The following OGN variants were observed in gnomAD, a reference collection of about 807,000 sequenced individuals.
OGN encodes the protein osteoglycin, also known as mimecan.
OGN carries 19 observed loss-of-function variants against 30.8 expected under a neutral mutation model. The observed-to-expected ratio is 0.62, with a 90% confidence interval of 0.43 to 0.90. The LOEUF (loss-of-function observed/expected upper bound fraction) is 0.90. Among genes scored for constraint, OGN ranks in the 40% least tolerant of loss-of-function variants. The pLI is 0.00. For missense variants in OGN, 283 were observed against 349.7 expected (o/e 0.81, Z 1.52); for synonymous variants, 126 against 128.3 (o/e 0.98, Z 0.12).
At chr9:92,388,338 T>G (rs1467483533) in intron 5 of OGN, among the ~76,000 whole-genome samples, 1 of 151,344 alleles carries the variant, frequency 6.6e-6, no homozygotes, top group East Asian at 2.0e-4. Flanking sequence ...ATTTTTGTAT[T>G]TTTAGTGGAG....
Position 92,403,483 on chromosome 9 carries a change from C to T in OGN, c.-75-1G>A. ...CTGTGGGACAAAACTCTCTTTTTCC[C>T]TGGAAATAAAAATTCAGACCATCGA... On this transcript the variant is annotated splice_acceptor_variant, in intron 1 of 6. Transcript: ENST00000375561. LOFTEE classifies it low-confidence loss of function (5UTR_SPLICE). 6.6e-7 allele frequency: 1 copy of T among 1,506,902 alleles called. No homozygotes were observed. Among genetic ancestry groups the T allele is most frequent in the Non-Finnish European group, 8.8e-7 (1 of 1,131,204 alleles). 93.3% of individuals were successfully genotyped at this position (1,506,902 alleles called of 1,614,324 possible).
intron 5 of OGN, 150 bp downstream of exon 5, chr9:92,389,704 G>A (rs1842588372): frequency 1.7e-6 from 1 of 583,394 alleles, no homozygotes; most frequent in Non-Finnish European, 3.0e-6. Flanking sequence ...GAGCCTAATA[G>A]GATGGTTATT....
In OGN at chr9:92,403,193, G is replaced by T. The variant is rs753254484; in HGVS notation, c.174+41C>A. ...AAAGCAAAAACATGCATTTAAATGG[G>T]CAGTATTTTAGAAGCTAAATTTAGA... On this transcript the variant is annotated intron_variant, in intron 2 of 6. Transcript: ENST00000375561. 21 of 1,337,058 alleles carry T rather than the reference G, an allele frequency of 1.6e-5. No homozygotes were observed. In the South Asian group the frequency reaches 2.9e-4, roughly 18 times the overall value. 82.8% of individuals were successfully genotyped at this position (1,337,058 alleles called of 1,614,324 possible).
rs967497183 is a variant in OGN, at chr9:92,386,313, A to G, written c.631-17T>C. The G allele has an allele frequency of 1.2e-5, 18 of 1,519,648 alleles. No individual in the cohort carries two copies. Among genetic ancestry groups the G allele is most frequent in the Non-Finnish European group, 1.6e-5 (17 of 1,094,316 alleles). 94.1% of individuals were successfully genotyped at this position (1,519,648 alleles called of 1,614,324 possible). A position where few individuals can be genotyped will look rare whatever the true frequency, so the allele number is the denominator to read the frequency against. On this transcript the variant is annotated splice_polypyrimidine_tract_variant and intron_variant, in intron 5 of 6. Transcript: ENST00000375561. Reference sequence around the variant, plus strand: ...ATTCAGTTTCTGTAAGGAAAATTTCATGTGAGTGTTATTGAGGTTCTGTAC... The same window carrying G: ...ATTCAGTTTCTGTAAGGAAAATTTCGTGTGAGTGTTATTGAGGTTCTGTAC...
chr9:92,394,302 G>T (rs2130906736), intron 3 of OGN, among the ~76,000 whole-genome samples: 1 of 152,032 alleles, frequency 6.6e-6, no homozygotes, highest in East Asian at 1.9e-4. Context: ...GAGTGTGGTG[G>T]TGTGATCTTG....
chr9:92,394,512 A>G (rs1019401729), intron 3 of OGN, among the ~76,000 whole-genome samples: 1 of 151,564 alleles, frequency 6.6e-6, no homozygotes, highest in African/African-American at 2.4e-5. Flanking sequence ...CGGTCTCCCA[A>G]AGTGCCGGGA....
Position 92,404,550 on chromosome 9 carries a change from G to A in OGN, c.-130C>T. The A allele has an allele frequency of 7.7e-7, 1 of 1,298,500 alleles. No homozygotes were observed. Among genetic ancestry groups the A allele is most frequent in the Non-Finnish European group, 1.0e-6 (1 of 987,794 alleles). The allele number at this position is 1,298,500 out of a possible 1,614,324, so 80.4% of individuals were successfully genotyped here. ...TTTTCCTCAATAGATGTTCATGTCT[G>A]TGCATTAGCCCCAAGTGGGAGGGTG... On this transcript the variant is annotated 5_prime_UTR_variant, in exon 1 of 7. Transcript: ENST00000375561.
chr9:92,403,059 G>C (rs527584738), intron 2 of OGN, among the ~76,000 whole-genome samples, 175 bp downstream of exon 2: 43 of 152,016 alleles, frequency 2.8e-4, no homozygotes, highest in African/African-American at 9.4e-4. Context: ...TATTAATTTG[G>C]AAAGCATACA....
chr9:92,393,649 G>A (rs757952885), intron 3 of OGN, among the ~76,000 whole-genome samples: 3 of 152,154 alleles, frequency 2.0e-5, no homozygotes, highest in Non-Finnish European at 4.4e-5. Flanking sequence ...CCATTAACTT[G>A]AAAATTAGAG....
chr9:92,388,895 G>A (rs1842552211), intron 5 of OGN, among the ~76,000 whole-genome samples: 1 of 150,918 alleles, frequency 6.6e-6, no homozygotes, highest in Non-Finnish European at 1.5e-5. Flanking sequence ...CTTAACTTCT[G>A]AGTTCCTTAT....
intron 5 of OGN, among the ~76,000 whole-genome samples, chr9:92,386,953 C>G (rs1335340833): frequency 1.4e-5 from 2 of 146,212 alleles, no homozygotes; most frequent in African/African-American, 5.1e-5. Context: ...GAGGCTGAGG[C>G]AGGAGAATGC....
chr9:92,390,563 AGTGT>A (rs61628295), intron 4 of OGN, among the ~76,000 whole-genome samples: 61,159 of 150,432 alleles, frequency 0.41, 14,643 homozygotes, highest in East Asian at 0.77. Flanking sequence ...AGAGAAATTC[AGTGT>A]GTGTGTGTGT....
rs1842377633 is a variant in OGN, at chr9:92,385,374, T to C, written c.*246A>G. 3 of 374,716 alleles carry C rather than the reference T, an allele frequency of 8.0e-6. No individual in the cohort carries two copies. The highest frequency in any genetic ancestry group is 9.5e-6 in the Non-Finnish European group (2 of 209,918). 23.2% of individuals were successfully genotyped at this position (374,716 alleles called of 1,614,324 possible). A position where few individuals can be genotyped will look rare whatever the true frequency, so the allele number is the denominator to read the frequency against. On this transcript the variant is annotated 3_prime_UTR_variant, in exon 7 of 7. Coordinates refer to ENST00000375561, the MANE Select transcript of OGN (RefSeq NM_014057.5). ...AAAACATGATTTTTAAATGGTAGTC[T>C]AGTATAAACTAGGATTTTGTAATGC...
In OGN at chr9:92,384,559, T is replaced by G. The variant is rs1842350568; in HGVS notation, c.*1061A>C. The G allele has an allele frequency of 1.3e-5, 2 of 152,188 alleles. No individual in the cohort carries two copies. The highest frequency in any genetic ancestry group is 1.5e-5 in the Non-Finnish European group (1 of 68,014). The allele number at this position is 152,188 out of a possible 1,614,324, so 9.4% of individuals were successfully genotyped here. On this transcript the variant is annotated 3_prime_UTR_variant, in exon 7 of 7. Transcript: ENST00000375561. ...CTGGCACCACTGAGTCATCATAAAT[T>G]ATTACTCTCAGATAGAAGATTTAAT...
At chr9:92,403,198 A>G (rs374181608) in intron 2 of OGN, 36 bp downstream of exon 2, 71 of 1,418,958 alleles carry the variant, frequency 5.0e-5, no homozygotes, top group Non-Finnish European at 6.4e-5. Context: ...AATGGGCAGT[A>G]TTTTAGAAGC....
intron 5 of OGN, among the ~76,000 whole-genome samples, chr9:92,387,702 T>A (rs1842491701): frequency 6.6e-6 from 1 of 152,214 alleles, no homozygotes; most frequent in African/African-American, 2.4e-5. Flanking sequence ...AACCTAATTC[T>A]ACTAGTGACT....
chr9:92,399,054 C>CAAAAAAAA (rs113748385), intron 3 of OGN, among the ~76,000 whole-genome samples: 1 of 109,554 alleles, frequency 9.1e-6, no homozygotes. Flanking sequence ...GACTCTGTCT[C>CAAAAAAAA]AAAAAAAAAA....
chr9:92,399,702 T>C (rs891111067), intron 3 of OGN, among the ~76,000 whole-genome samples: 3 of 152,198 alleles, frequency 2.0e-5, no homozygotes, highest in Admixed American at 1.3e-4. Context: ...GGTATGGACC[T>C]AAATGTACAC....
At chr9:92,395,133 A>G (rs970162685) in intron 3 of OGN, among the ~76,000 whole-genome samples, 1 of 152,136 alleles carries the variant, frequency 6.6e-6, no homozygotes, top group African/African-American at 2.4e-5. Context: ...AACGTTCACT[A>G]CAAGTGAGTT....
Sources: gnomAD v4.1 joint callset for allele counts (sites outside exome capture counted in the v4.1 genomes callset) on GRCh38, gnomAD v4.1.1 for gene constraint, MANE v1.5 for transcripts, NCBI Gene and HGNC (gene_info 2026-07-23, HGNC 2026-07-21) for gene names.